RBM41: variants seen among roughly 807,000 people sequenced by gnomAD.
The protein encoded by RBM41 is RNA-binding protein 41.
A neutral mutation model predicts 30.8 loss-of-function variants in RBM41; 14 were observed. The observed-to-expected ratio is 0.45, with a 90% CI of 0.30 to 0.71. The LOEUF is 0.71. Ranked by LOEUF, RBM41 falls within the 30% of genes least tolerant of loss-of-function variation. RBM41 has a pLI of 0.08. For missense variants in RBM41, 276 were observed against 326.3 expected (o/e 0.85, Z 1.19); for synonymous variants, 120 against 110.1 (o/e 1.09, Z -0.56).
At chrX:107,096,590 A>T (rs944942799) in intron 5 of RBM41, among the ~76,000 whole-genome samples, 1 of 111,901 alleles carries the variant, frequency 8.9e-6, no homozygotes, top group African/African-American at 3.2e-5. Context: ...CACACATAAA[A>T]ATCAACTCAA....
Position 107,065,679 on chromosome X carries a change from T to TG in RBM41, c.*1847_*1848insC. The TG allele has an allele frequency of 9.3e-7, 1 of 1,075,227 alleles. No individual in the cohort carries two copies. Among genetic ancestry groups the TG allele is most frequent in the Admixed American group, 3.4e-5 (1 of 29,170 alleles). The allele number at this position is 1,075,227 out of a possible 1,213,427, so 88.6% of individuals were successfully genotyped here. ...ATTTCCTATTTCACGTTCTCTCCAT[T>TG]TGTTCCTGTGGATTTGTCTTACCAT... On this transcript the variant is annotated 3_prime_UTR_variant, in exon 8 of 8. Coordinates refer to ENST00000685964, the MANE Select transcript of RBM41 (RefSeq NM_001324242.2).
At position 107,065,123 on chromosome X, in the gene RBM41, C is replaced by T. The variant is rs1188709895; in HGVS notation, c.*2404G>A. On this transcript the variant is annotated 3_prime_UTR_variant, in exon 8 of 8. Transcript: ENST00000685964. ...TTGTCTGTGTGATATATTTGTTTTCCATCCTTTTACCTTTAATCTCTTTCT... is the reference window on the plus strand; with the variant it reads ...TTGTCTGTGTGATATATTTGTTTTCTATCCTTTTACCTTTAATCTCTTTCT... The T allele has an allele frequency of 1.8e-5, 2 of 111,430 alleles. No homozygotes were observed. Among genetic ancestry groups the T allele is most frequent in the Non-Finnish European group, 3.8e-5 (2 of 52,995 alleles). The allele number at this position is 111,430 out of a possible 1,213,427, so 9.2% of individuals were successfully genotyped here. A position where few individuals can be genotyped will look rare whatever the true frequency, so the allele number is the denominator to read the frequency against.
chrX:107,053,357 G>A, the RBM41 span, among the ~76,000 whole-genome samples: 2,383 of 62,011 alleles, frequency 0.038, no homozygotes, highest in African/African-American at 0.073. Context: ...CAGACTATTC[G>A]TGTGGGAGGT....
At chrX:107,055,961 T>C in the RBM41 span, among the ~76,000 whole-genome samples, 528 of 112,332 alleles carry the variant, frequency 4.7e-3, 3 homozygotes, top group Non-Finnish European at 7.8e-3. Context: ...TCATACACAA[T>C]GGTGAAAGAC....
At position 107,067,565 on chromosome X, in the gene RBM41, A is replaced by G. The variant is rs771610732; in HGVS notation, c.1276T>C (p.Cys426Arg). 1.2e-5 allele frequency: 15 copies of G among 1,210,426 alleles called. No homozygotes were observed. Among genetic ancestry groups the G allele is most frequent in the Non-Finnish European group, 1.7e-5 (15 of 894,690 alleles). ...SNLQATSLIS[C>R]ATGSTTEISG... ...ATTTCTGTAGTGCTACCTGTAGCAC[A>G]TGATATGAGAGAAGTCGCTTGGAGA... The change falls in exon 8 of 8, where the codon TGT (cysteine) becomes CGT (arginine). Residue 426 changes from cysteine to arginine, a missense_variant. Transcript: ENST00000685964.
chrX:107,067,116 A>G lies in RBM41; in HGVS notation c.*411T>C. 1.3e-6 allele frequency: 1 copy of G among 750,862 alleles called. No individual in the cohort carries two copies. Among genetic ancestry groups the G allele is most frequent in the Non-Finnish European group, 1.6e-6 (1 of 636,306 alleles). The allele number at this position is 750,862 out of a possible 1,213,427, so 61.9% of individuals were successfully genotyped here. On this transcript the variant is annotated 3_prime_UTR_variant, in exon 8 of 8. Transcript: ENST00000685964. ...TTTACTAGGTGGATGAAATATGGCA[A>G]ATGGGCTCTAGTAAAGAAATATTTC...
intron 5 of RBM41, among the ~76,000 whole-genome samples, chrX:107,090,115 C>T (rs1569335835): frequency 8.9e-6 from 1 of 111,958 alleles, no homozygotes; most frequent in Non-Finnish European, 1.9e-5. Flanking sequence ...GTGGCTCATG[C>T]CTGCAATCCC....
downstream of RBM41, among the ~76,000 whole-genome samples, chrX:107,058,085 GGA>G (rs1257661582): frequency 9.1e-6 from 1 of 110,350 alleles, no homozygotes; most frequent in African/African-American, 3.3e-5. Context: ...CTTGAGGTCA[GGA>G]GTTCAAGACA....
chrX:107,059,732 C>T, downstream of RBM41, among the ~76,000 whole-genome samples: 1 of 111,528 alleles, frequency 9.0e-6, no homozygotes, highest in Non-Finnish European at 1.9e-5. Context: ...TCTAAATCTA[C>T]ATACTTAAAA....
intron 4 of RBM41, 48 bp from the exon 5 acceptor site, chrX:107,113,516 AT>A: frequency 1.0e-6 from 1 of 979,464 alleles, no homozygotes; most frequent in Non-Finnish European, 1.3e-6. Context: ...AACAGAACAG[AT>A]TCATAAACCA....
chrX:107,066,616 A>G lies in RBM41; in HGVS notation c.*911T>C, dbSNP rs1935849528. ...TCAGATTAAGTGACTTGCCAAGGTCATAGAATGTTAAGTGTGGCTGTACAG... is the reference window on the plus strand; with the variant it reads ...TCAGATTAAGTGACTTGCCAAGGTCGTAGAATGTTAAGTGTGGCTGTACAG... On this transcript the variant is annotated 3_prime_UTR_variant, in exon 8 of 8. Transcript: ENST00000685964. 1 of 560,127 alleles carries G rather than the reference A, an allele frequency of 1.8e-6. No individual in the cohort carries two copies. Among genetic ancestry groups the G allele is most frequent in the South Asian group, 9.4e-5 (1 of 10,635 alleles). 46.2% of individuals were successfully genotyped at this position (560,127 alleles called of 1,213,427 possible). A position where few individuals can be genotyped will look rare whatever the true frequency, so the allele number is the denominator to read the frequency against.
At chrX:107,056,719 T>G in the RBM41 span, among the ~76,000 whole-genome samples, 2 of 111,592 alleles carry the variant, frequency 1.8e-5, no homozygotes, top group East Asian at 5.5e-4. Flanking sequence ...GACAGTAATA[T>G]TCCCATTTTA....
downstream of RBM41, among the ~76,000 whole-genome samples, chrX:107,057,680 T>C (rs1434977586): frequency 8.9e-6 from 1 of 112,194 alleles, no homozygotes; most frequent in Non-Finnish European, 1.9e-5. Flanking sequence ...TTAAGTACTC[T>C]ATTTACTTCA....
intron 5 of RBM41, among the ~76,000 whole-genome samples, chrX:107,099,282 T>C (rs1352198607): frequency 9.0e-6 from 1 of 111,590 alleles, no homozygotes; most frequent in Non-Finnish European, 1.9e-5. Flanking sequence ...CCTCAACACT[T>C]TCCTACCTCC....
Position 107,067,661 on chromosome X carries a change from C to T in RBM41, c.1180G>A (p.Val394Ile), listed in dbSNP as rs139896702. The change falls in exon 8 of 8, where the codon GTA becomes ATA. Residue 394 changes from valine to isoleucine, a missense_variant. Physicochemically the swap from Val to Ile is conservative, Grantham distance 29. Coordinates refer to ENST00000685964, the MANE Select transcript of RBM41 (RefSeq NM_001324242.2). The stretch of plus-strand genomic sequence containing the variant: ...TTCCCATGTAGTTTGTATCCATTTA[C>T]TAGATGCAATGCTTGCCATGCTATC... ...KEIAWQALHL[V>I]NGYKLHGKIL... is the part of the protein sequence containing the mutation. 3.9e-4 allele frequency: 465 copies of T among 1,207,658 alleles called. No individual in the cohort carries two copies. Among genetic ancestry groups the T allele is most frequent in the Non-Finnish European group, 5.0e-4 (446 of 894,002 alleles).
chrX:107,085,120 A>G (rs928763596), intron 6 of RBM41, among the ~76,000 whole-genome samples: 5 of 111,757 alleles, frequency 4.5e-5, no homozygotes, highest in Admixed American at 9.5e-5. Context: ...GATAATGAAG[A>G]GTGAGACTGC....
chrX:107,055,785 T>C, the RBM41 span, among the ~76,000 whole-genome samples: 5 of 112,675 alleles, frequency 4.4e-5, no homozygotes, highest in Non-Finnish European at 9.4e-5. Context: ...TTCTTAGAAA[T>C]GTATTCTTAT....
Position 107,067,554 on chromosome X carries a change from A to G in RBM41, c.1287T>C (p.Gly429=). The G allele has an allele frequency of 8.3e-7, 1 of 1,209,767 alleles. No individual in the cohort carries two copies. The highest frequency in any genetic ancestry group is 1.1e-6 in the Non-Finnish European group (1 of 894,400). ...AGCTACCACTAATTTCTGTAGTGCT[A>G]CCTGTAGCACATGATATGAGAGAAG... The part of the protein sequence containing the change: ...QATSLISCAT[G]STTEISGS The change falls in exon 8 of 8, where the codon GGT becomes GGC. Residue 429 remains glycine, a synonymous_variant. Transcript: ENST00000685964.
intron 5 of RBM41, among the ~76,000 whole-genome samples, chrX:107,107,272 T>C (rs910681824): frequency 9.0e-5 from 10 of 111,130 alleles, no homozygotes; most frequent in Non-Finnish European, 1.5e-4. Context: ...CAGAAAGGAC[T>C]TCCCTAGCAC....
Sources: allele counts gnomAD v4.1 joint callset (sites outside exome capture counted in the v4.1 genomes callset), GRCh38; gene constraint gnomAD v4.1.1; transcripts MANE v1.5; gene names NCBI Gene and HGNC (gene_info 2026-07-23, HGNC 2026-07-21).